Variants in CMSS1 observed in about 807,000 individuals in gnomAD.
The protein encoded by CMSS1 is cms1 ribosomal small subunit homolog.
In CMSS1, 33 loss-of-function variants were observed where a neutral mutation model predicts 43.5. The observed-to-expected ratio is 0.76, with a 90% CI of 0.57 to 1.01. The LOEUF is 1.01. Among genes scored for constraint, CMSS1 ranks in the 50% least tolerant of loss-of-function variants. CMSS1 has a pLI of 0.00. For synonymous variants in CMSS1, 115 were observed against 117.2 expected, an observed-to-expected ratio of 0.98 and a Z score of 0.12; for missense variants, 313 against 326.4, an observed-to-expected ratio of 0.96 and a Z score of 0.32.
At chr3:99,989,570 C>A (rs1433512476) in intron 1 of CMSS1, among the ~76,000 whole-genome samples, 3 of 152,018 alleles carry the variant, frequency 2.0e-5, no homozygotes, top group African/African-American at 4.8e-5. Flanking sequence ...ACTGCTCTTG[C>A]AAGCTACTCT....
At chr3:99,922,033 C>T (rs182462923) in intron 1 of CMSS1, among the ~76,000 whole-genome samples, 22 of 152,344 alleles carry the variant, frequency 1.4e-4, no homozygotes, top group African/African-American at 5.1e-4. Context: ...TCAGAACTCT[C>T]CTCCAATAGC....
intron 1 of CMSS1, among the ~76,000 whole-genome samples, chr3:99,933,081 C>G (rs541295680): frequency 9.2e-5 from 14 of 152,258 alleles, no homozygotes; most frequent in Middle Eastern, 3.4e-3. Flanking sequence ...GCACGGGAAA[C>G]TTATTGAAGG....
intron 1 of CMSS1, among the ~76,000 whole-genome samples, chr3:99,841,808 G>C (rs1326129546): frequency 5.3e-5 from 8 of 152,132 alleles, no homozygotes; most frequent in African/African-American, 1.9e-4. Flanking sequence ...TGCAAGAATG[G>C]CCATAATCAA....
intron 1 of CMSS1, chr3:100,141,651 G>A (rs1300893226): frequency 4.5e-6 from 2 of 441,170 alleles, no homozygotes; most frequent in Non-Finnish European, 9.0e-6. Context: ...TTGAGGTAAA[G>A]AGAAGATGTG....
rs73138618 is a variant in CMSS1 at position 99,969,747 on chromosome 3, G to A, written c.64+151704G>A. Among the ~76,000 whole-genome samples, 673 of 152,230 alleles carry A rather than the reference G, an allele frequency of 4.4e-3. 3 individuals carry two copies. Among genetic ancestry groups the A allele is most frequent in the South Asian group, 0.011 (53 of 4,816 alleles). On this transcript the variant is annotated intron_variant, in intron 1 of 9. Coordinates refer to ENST00000421999, the MANE Select transcript of CMSS1 (RefSeq NM_032359.4). Reference sequence around the variant, plus strand: ...ATAATTAGTTGCAGGGTTTGACCTTGGAAATCTGTGACCATGGAGATGAAG... The same window carrying A: ...ATAATTAGTTGCAGGGTTTGACCTTAGAAATCTGTGACCATGGAGATGAAG...
chr3:100,124,693 A>T (rs1478320069), intron 1 of CMSS1, among the ~76,000 whole-genome samples: 1 of 152,194 alleles, frequency 6.6e-6, no homozygotes, highest in Non-Finnish European at 1.5e-5. Context: ...CCCAAATGGC[A>T]AAAGGCCACC....
chr3:99,886,261 G>A (rs1001524301), intron 1 of CMSS1, among the ~76,000 whole-genome samples: 14 of 56,110 alleles, frequency 2.5e-4, no homozygotes, highest in Non-Finnish European at 4.9e-4. Flanking sequence ...TGAGTGTAAA[G>A]CAGGGATGTT....
At chr3:99,916,511 C>A (rs1706960023) in intron 1 of CMSS1, among the ~76,000 whole-genome samples, 1 of 151,546 alleles carries the variant, frequency 6.6e-6, no homozygotes, top group Admixed American at 6.6e-5. Flanking sequence ...AGGACCCTGA[C>A]AAATACAGTG....
intron 1 of CMSS1, among the ~76,000 whole-genome samples, chr3:99,893,777 T>C (rs1706166040): frequency 6.6e-6 from 1 of 152,224 alleles, no homozygotes; most frequent in Non-Finnish European, 1.5e-5. Context: ...TTGAGAATGA[T>C]TTTTGTTTGC....
chr3:99,927,802 C>T (rs1707343933), intron 1 of CMSS1, among the ~76,000 whole-genome samples: 1 of 152,026 alleles, frequency 6.6e-6, no homozygotes, highest in African/African-American at 2.4e-5. Flanking sequence ...GGACTGAGTC[C>T]TTGCCTCTTC....
At chr3:100,150,056 C>A (rs1456799778) in intron 2 of CMSS1, among the ~76,000 whole-genome samples, 1 of 152,136 alleles carries the variant, frequency 6.6e-6, no homozygotes, top group African/African-American at 2.4e-5. Context: ...CCCTCCAACT[C>A]CCCTGTGGCC....
At chr3:99,862,957 G>GCTCT (rs1033016877) in intron 1 of CMSS1, among the ~76,000 whole-genome samples, 2 of 152,172 alleles carry the variant, frequency 1.3e-5, no homozygotes, top group African/African-American at 2.4e-5. Flanking sequence ...CCTCACTGAT[G>GCTCT]CTCTGCTCAT....
At chr3:100,165,964 A>G (rs2067062407) in intron 4 of CMSS1, among the ~76,000 whole-genome samples, 1 of 152,196 alleles carries the variant, frequency 6.6e-6, no homozygotes, top group South Asian at 2.1e-4. Flanking sequence ...CATTATATTA[A>G]CTTGCACTTC....
intron 1 of CMSS1, among the ~76,000 whole-genome samples, chr3:99,906,881 C>A (rs1272039009): frequency 6.6e-6 from 1 of 152,138 alleles, no homozygotes; most frequent in Non-Finnish European, 1.5e-5. Context: ...CCCTACCATG[C>A]CCTATAACAG....
chr3:100,038,512 C>T (rs1270998175), intron 1 of CMSS1, among the ~76,000 whole-genome samples: 1 of 152,000 alleles, frequency 6.6e-6, no homozygotes, highest in African/African-American at 2.4e-5. Context: ...ATTGACTGTT[C>T]GGTTTAATTT....
intron 1 of CMSS1, among the ~76,000 whole-genome samples, chr3:99,983,389 A>AATAAATAAATATATATAT (rs1302972402): frequency 7.4e-5 from 3 of 40,788 alleles, no homozygotes; most frequent in African/African-American, 3.1e-4. Context: ...TAAATAAATA[A>AATAAATAAATATATATAT]ATATATATAT....
intron 1 of CMSS1, among the ~76,000 whole-genome samples, chr3:99,893,230 A>G (rs1021827453): frequency 1.3e-5 from 2 of 149,182 alleles, no homozygotes; most frequent in Admixed American, 6.7e-5. Flanking sequence ...CAGTGGCGCA[A>G]TCTCGGCTCA....
intron 1 of CMSS1, among the ~76,000 whole-genome samples, chr3:99,936,348 G>A (rs1215305375): frequency 2.1e-5 from 3 of 144,754 alleles, no homozygotes; most frequent in Admixed American, 1.4e-4. Flanking sequence ...TTTTGCAGAG[G>A]AAGGAACTGA....
At position 99,818,005 on chromosome 3, in the gene CMSS1, G is replaced by A. The variant is rs752861961; in HGVS notation, c.26G>A (p.Trp9Ter). The change falls in exon 1 of 10, where the codon TGG becomes TAG. Residue 9 changes from tryptophan (W) to a stop codon, truncating the protein, a stop_gained. Coordinates refer to ENST00000421999, the MANE Select transcript of CMSS1 (RefSeq NM_032359.4). LOFTEE classifies it high-confidence loss of function. ...ATGGCAGACGATCTCGGAGACGAGTGGTGGGAGAACCAGCCGACTGGAGCA... is the reference window on the plus strand; with the variant it reads ...ATGGCAGACGATCTCGGAGACGAGTAGTGGGAGAACCAGCCGACTGGAGCA... MADDLGDE[W>*]WENQPTGAGS... is the part of the protein sequence containing the mutation. The A allele has an allele frequency of 6.2e-7, 1 of 1,613,896 alleles. No homozygotes were observed. Among genetic ancestry groups the A allele is most frequent in the African/African-American group, 1.3e-5 (1 of 74,952 alleles).
Sources: allele counts gnomAD v4.1 joint callset (sites outside exome capture counted in the v4.1 genomes callset), GRCh38; gene constraint gnomAD v4.1.1; transcripts MANE v1.5; gene names NCBI Gene and HGNC (gene_info 2026-07-23, HGNC 2026-07-21).